Variants in CFAP20DC observed in about 807,000 individuals in gnomAD.
The protein encoded by CFAP20DC is protein CFAP20DC.
In CFAP20DC, 84 loss-of-function variants were observed where a neutral mutation model predicts 101.7. The ratio of observed to expected loss-of-function variants is 0.83; its 90% CI spans 0.69 to 0.99. The LOEUF is 0.99. CFAP20DC is among the 50% of genes least tolerant of loss of function. The pLI is 0.00. For missense variants in CFAP20DC, 1,007 were observed against 970.3 expected, an observed-to-expected ratio of 1.04 and a Z score of -0.50; for synonymous variants, 359 against 351.2, an observed-to-expected ratio of 1.02 and a Z score of -0.25.
chr3:59,016,608 A>G (rs1409406789), intron 4 of CFAP20DC, among the ~76,000 whole-genome samples: 1 of 152,204 alleles, frequency 6.6e-6, no homozygotes, highest in Non-Finnish European at 1.5e-5. Context: ...CATTGTATAT[A>G]CACATTGAAA....
intron 3 of CFAP20DC, among the ~76,000 whole-genome samples, chr3:58,735,042 C>G (rs1362940969): frequency 6.6e-6 from 1 of 152,182 alleles, no homozygotes; most frequent in African/African-American, 2.4e-5. Flanking sequence ...AATGGAAAGA[C>G]TCCAAAACCT....
intron 14 of CFAP20DC, among the ~76,000 whole-genome samples, chr3:58,822,324 C>CAAAG (rs1244079942): frequency 4.3e-5 from 6 of 139,036 alleles, no homozygotes; most frequent in African/African-American, 1.4e-4. Flanking sequence ...AACAAACAAA[C>CAAAG]AAACAAACAA....
chr3:58,961,715 T>C (rs977156644), intron 4 of CFAP20DC, among the ~76,000 whole-genome samples: 5 of 152,302 alleles, frequency 3.3e-5, no homozygotes, highest in Admixed American at 6.5e-5. Context: ...TATATGTCTA[T>C]TGAAATTTTC....
chr3:58,781,378 C>T (rs535081236), intron 15 of CFAP20DC, among the ~76,000 whole-genome samples: 49 of 151,906 alleles, frequency 3.2e-4, no homozygotes, highest in African/African-American at 1.1e-3. Context: ...TCTAATGATG[C>T]ACTTTTAGGA....
At chr3:59,008,052 G>A (rs1417049863) in intron 4 of CFAP20DC, among the ~76,000 whole-genome samples, 1 of 152,104 alleles carries the variant, frequency 6.6e-6, no homozygotes, top group African/African-American at 2.4e-5. Context: ...ACACAGCTGG[G>A]GCTTCCCCAA....
At chr3:58,907,094 C>CGT (rs35001935) in intron 6 of CFAP20DC, among the ~76,000 whole-genome samples, 7,304 of 149,178 alleles carry the variant, frequency 0.049, 519 homozygotes, top group African/African-American at 0.16. Context: ...CTTTGTGCCT[C>CGT]GTGTGTGTGT....
At chr3:58,937,532 T>C in intron 5 of CFAP20DC, 116 bp downstream of exon 5, 1 of 680,590 alleles carries the variant, frequency 1.5e-6, no homozygotes, top group Non-Finnish European at 2.6e-6. Flanking sequence ...ATGAATTTTA[T>C]TCATTTTTTA....
chr3:58,952,937 A>G (rs1045931624), intron 4 of CFAP20DC, among the ~76,000 whole-genome samples: 2 of 152,148 alleles, frequency 1.3e-5, no homozygotes, highest in African/African-American at 2.4e-5. Context: ...TGGGGATTTC[A>G]CAGTGAAAAA....
intron 4 of CFAP20DC, among the ~76,000 whole-genome samples, chr3:59,000,584 A>AAACTGGAAATATTTCAGGGCC (rs1384595628): frequency 3.9e-5 from 6 of 152,312 alleles, no homozygotes; most frequent in Admixed American, 3.9e-4. Flanking sequence ...AAGTCAGGGG[A>AAACTGGAAATATTTCAGGGCC]AACTGGAAAT....
chr3:58,898,156 G>A (rs2082823827), intron 6 of CFAP20DC, among the ~76,000 whole-genome samples: 1 of 150,542 alleles, frequency 6.6e-6, no homozygotes, highest in South Asian at 2.1e-4. Context: ...TCCTCCACTT[G>A]GTCTATTCTG....
intron 15 of CFAP20DC, among the ~76,000 whole-genome samples, chr3:58,783,452 G>A (rs2072025983): frequency 6.6e-6 from 1 of 151,834 alleles, no homozygotes. Context: ...AAAAGCTTCT[G>A]CACAGCAAAA....
Position 58,867,820 on chromosome 3 carries a change from T to G in CFAP20DC, c.1132A>C (p.Ser378Arg). 6.2e-7 allele frequency: 1 copy of G among 1,613,630 alleles called. No homozygotes were observed. Among genetic ancestry groups the G allele is most frequent in the Non-Finnish European group, 8.5e-7 (1 of 1,179,592 alleles). ...TAGGATTGAAATAGTGCCATACCGC[T>G]GGGTGTCTCTGTCCTTTCTCTGCTG... is the stretch of plus-strand genomic sequence containing the variant. ...STSRERTETP[S>R]GSSSGNNRIE... The change falls in exon 10 of 17, where the codon AGC (serine) becomes CGC (arginine). Residue 378 changes from serine (S) to arginine (R), a missense_variant. Ser to Arg is a moderately radical substitution (Grantham distance 110). Transcript: ENST00000482387.
At chr3:58,996,844 G>C (rs1345027311) in intron 4 of CFAP20DC, among the ~76,000 whole-genome samples, 1 of 152,210 alleles carries the variant, frequency 6.6e-6, no homozygotes, top group African/African-American at 2.4e-5. Flanking sequence ...TTTTGAGACA[G>C]CCAGGTGGGA....
chr3:58,903,834 C>T (rs1275513333), intron 6 of CFAP20DC, among the ~76,000 whole-genome samples: 3 of 152,116 alleles, frequency 2.0e-5, no homozygotes, highest in Non-Finnish European at 2.9e-5. Context: ...GTTTGTTTCT[C>T]GACCCAATTC....
chr3:58,948,331 C>T (rs1386882595), intron 4 of CFAP20DC, among the ~76,000 whole-genome samples: 8 of 152,206 alleles, frequency 5.3e-5, no homozygotes, highest in Admixed American at 5.2e-4. Flanking sequence ...AGTTGAAATG[C>T]CAGCTCCTCC....
chr3:58,752,294 G>A (rs111285491), intron 16 of CFAP20DC, among the ~76,000 whole-genome samples: 1 of 152,060 alleles, frequency 6.6e-6, no homozygotes, highest in African/African-American at 2.4e-5. Context: ...TAAGAAAAGG[G>A]CCAGGGGACA....
At chr3:58,818,175 G>T (rs1054319969) in intron 14 of CFAP20DC, among the ~76,000 whole-genome samples, 4 of 151,512 alleles carry the variant, frequency 2.6e-5, no homozygotes, top group African/African-American at 9.7e-5. Flanking sequence ...GGTACCAGCC[G>T]CTGCAAAATC....
intron 7 of CFAP20DC, among the ~76,000 whole-genome samples, chr3:58,881,480 G>A (rs1211196764): frequency 6.6e-6 from 1 of 152,152 alleles, no homozygotes; most frequent in Non-Finnish European, 1.5e-5. Flanking sequence ...ACAAAGTGAA[G>A]AGTGTGAATG....
intron 12 of CFAP20DC, among the ~76,000 whole-genome samples, chr3:58,852,850 T>C (rs1269833262): frequency 6.7e-6 from 1 of 149,026 alleles, no homozygotes; most frequent in Non-Finnish European, 1.5e-5. Flanking sequence ...TAGAGGGAAA[T>C]TTATAGCACT....
Sources: gnomAD v4.1 joint callset for allele counts (sites outside exome capture counted in the v4.1 genomes callset) on GRCh38, gnomAD v4.1.1 for gene constraint, MANE v1.5 for transcripts, NCBI Gene and HGNC (gene_info 2026-07-23, HGNC 2026-07-21) for gene names.